RREB1: variants seen among roughly 807,000 people sequenced by gnomAD.
RREB1 encodes the protein ras-responsive element-binding protein 1.
In RREB1, 27 loss-of-function variants were observed where a neutral mutation model predicts 117.8. That is an observed-to-expected ratio of 0.23 (90% CI 0.17 to 0.32). RREB1 has a LOEUF of 0.32. Ranked by LOEUF, RREB1 falls within the 10% of genes least tolerant of loss-of-function variation. The pLI is 1.00. For missense variants in RREB1, 2,577 were observed against 2,378.2 expected (o/e 1.08, Z -1.74); for synonymous variants, 1,298 against 1,026.7 (o/e 1.26, Z -5.05).
intron 1 of RREB1, among the ~76,000 whole-genome samples, chr6:7,171,357 G>T (rs1483492905): frequency 6.6e-6 from 1 of 152,184 alleles, no homozygotes; most frequent in Non-Finnish European, 1.5e-5. Context: ...GAAATGGAAA[G>T]CCAGGTGCAG....
At chr6:7,137,299 T>TA (rs1762383128) in intron 1 of RREB1, among the ~76,000 whole-genome samples, 1 of 151,958 alleles carries the variant, frequency 6.6e-6, no homozygotes, top group Non-Finnish European at 1.5e-5. Flanking sequence ...CCTTATAGAC[T>TA]CGGGTACAGG....
intron 3 of RREB1, chr6:7,181,607 GA>G: frequency 1.7e-6 from 1 of 575,478 alleles, no homozygotes; most frequent in Non-Finnish European, 3.0e-6. Context: ...GAAAGGTAGA[GA>G]AACCTGCCTC....
At chr6:7,237,733 A>T (rs2113153281) in intron 10 of RREB1, among the ~76,000 whole-genome samples, 1 of 152,352 alleles carries the variant, frequency 6.6e-6, no homozygotes, top group East Asian at 1.9e-4. Flanking sequence ...TTATTATAAA[A>T]TACTAAACGG....
Position 7,246,987 on chromosome 6 carries a change from G to A in RREB1, c.4537G>A (p.Gly1513Ser). The change falls in exon 12 of 13, where the codon GGT (glycine) becomes AGT (serine). Residue 1513 changes from glycine (G) to serine (S), a missense_variant. Coordinates refer to ENST00000379938, the MANE Select transcript of RREB1 (RefSeq NM_001003699.4). ...TPAEVVESAPGAGEAPAEKLA... is the reference protein window; with the variant it reads ...TPAEVVESAPSAGEAPAEKLA... ...GGCAGAGGTGGTGGAGTCGGCCCCG[G>A]GTGCCGGGGAGGCCCCGGCGGAAAA... is the stretch of plus-strand genomic sequence containing the variant. The A allele has an allele frequency of 6.3e-7, 1 of 1,592,420 alleles. No homozygotes were observed. The highest frequency in any genetic ancestry group is 1.8e-5 in the Admixed American group (1 of 57,094).
At chr6:7,156,412 A>C (rs372217627) in intron 1 of RREB1, among the ~76,000 whole-genome samples, 6 of 152,196 alleles carry the variant, frequency 3.9e-5, no homozygotes, top group Non-Finnish European at 8.8e-5. Flanking sequence ...GCTCAGACCA[A>C]TCTAACCTGT....
chr6:7,113,944 G>A (rs552867009), intron 1 of RREB1, among the ~76,000 whole-genome samples: 22 of 152,160 alleles, frequency 1.4e-4, no homozygotes, highest in Non-Finnish European at 2.8e-4. Context: ...GAAGAAAGTG[G>A]TATATTTTGA....
intron 1 of RREB1, among the ~76,000 whole-genome samples, chr6:7,156,653 C>G (rs755277778): frequency 5.9e-5 from 9 of 152,310 alleles, no homozygotes; most frequent in Non-Finnish European, 1.2e-4. Context: ...TATATAGAAT[C>G]CACTTGTTTA....
chr6:7,148,655 C>T (rs191157220), intron 1 of RREB1, among the ~76,000 whole-genome samples: 8 of 152,138 alleles, frequency 5.3e-5, no homozygotes, highest in African/African-American at 1.9e-4. Context: ...ATTGATTCAC[C>T]ATGCTATGCT....
intron 8 of RREB1, chr6:7,213,992 G>A (rs933078735): frequency 2.6e-5 from 4 of 152,328 alleles, no homozygotes; most frequent in African/African-American, 9.6e-5. Flanking sequence ...CAGATCAGGT[G>A]TCTCCTTCTG....
chr6:7,249,064 AG>A lies in RREB1; in HGVS notation c.*97del, dbSNP rs1769288128. 1 of 3,914 alleles carries A rather than the reference AG, an allele frequency of 2.6e-4. No individual in the cohort carries two copies. Among genetic ancestry groups the A allele is most frequent in the Admixed American group, 2.6e-3 (1 of 378 alleles). The allele number at this position is 3,914 out of a possible 1,614,324, so 0.2% of individuals were successfully genotyped here. A position where few individuals can be genotyped will look rare whatever the true frequency, so the allele number is the denominator to read the frequency against. ...AGTGCCCTTTGGCTGTTGAGGAGTG[AG>A]AGAGAGAGAGAGAGAGAGAGAGAGA... On this transcript the variant is annotated 3_prime_UTR_variant, in exon 13 of 13. Coordinates refer to ENST00000379938, the MANE Select transcript of RREB1 (RefSeq NM_001003699.4).
At chr6:7,136,069 C>T (rs1224240290) in intron 1 of RREB1, among the ~76,000 whole-genome samples, 1 of 152,152 alleles carries the variant, frequency 6.6e-6, no homozygotes, top group Non-Finnish European at 1.5e-5. Context: ...GTGAGATTCC[C>T]ATGTCTGAGG....
At chr6:7,141,998 G>A (rs1304980201) in intron 1 of RREB1, among the ~76,000 whole-genome samples, 3 of 152,236 alleles carry the variant, frequency 2.0e-5, no homozygotes, top group African/African-American at 7.2e-5. Flanking sequence ...GATCATCTGA[G>A]GTCAGGAGTT....
intron 1 of RREB1, among the ~76,000 whole-genome samples, chr6:7,135,116 C>T (rs1044275335): frequency 4.6e-5 from 7 of 152,136 alleles, no homozygotes; most frequent in Admixed American, 1.3e-4. Context: ...AGGAGACTAA[C>T]GTAAGGTCCT....
At chr6:7,171,229 C>T (rs187094435) in intron 1 of RREB1, among the ~76,000 whole-genome samples, 4 of 152,308 alleles carry the variant, frequency 2.6e-5, no homozygotes, top group Admixed American at 1.3e-4. Context: ...CAAACTCTTG[C>T]CCGCTGCAAC....
chr6:7,127,123 A>G (rs113409199), intron 1 of RREB1, among the ~76,000 whole-genome samples: 112 of 152,150 alleles, frequency 7.4e-4, no homozygotes, highest in African/African-American at 2.5e-3. Context: ...GATAGGGCTT[A>G]GGCGTGTTGT....
At chr6:7,223,656 G>A (rs1046912052) in intron 8 of RREB1, among the ~76,000 whole-genome samples, 1 of 150,724 alleles carries the variant, frequency 6.6e-6, no homozygotes, top group African/African-American at 2.4e-5. Flanking sequence ...ATGTCTATTT[G>A]GTAATGTGCC....
At chr6:7,247,406 C>G (rs1364226505) in intron 12 of RREB1, among the ~76,000 whole-genome samples, 185 bp downstream of exon 12, 2 of 152,110 alleles carry the variant, frequency 1.3e-5, no homozygotes, top group Non-Finnish European at 2.9e-5. Context: ...GAAGACGGTG[C>G]AGGCCTCCTG....
At chr6:7,108,389 G>A (rs922753304) in intron 1 of RREB1, among the ~76,000 whole-genome samples, 5 of 151,408 alleles carry the variant, frequency 3.3e-5, no homozygotes, top group Non-Finnish European at 7.4e-5. Context: ...CTGCCAACCA[G>A]CTCCCAGCGC....
intron 1 of RREB1, among the ~76,000 whole-genome samples, chr6:7,136,624 G>A (rs1049287673): frequency 6.6e-6 from 1 of 152,166 alleles, no homozygotes; most frequent in African/African-American, 2.4e-5. Context: ...TAACTTAGGA[G>A]TACAAATGAA....
Sources: allele counts gnomAD v4.1 joint callset (sites outside exome capture counted in the v4.1 genomes callset), GRCh38; gene constraint gnomAD v4.1.1; transcripts MANE v1.5; gene names NCBI Gene and HGNC (gene_info 2026-07-23, HGNC 2026-07-21).